Variants in MPDZ observed in about 807,000 individuals in gnomAD.
MPDZ encodes the protein multiple PDZ domain protein.
In MPDZ, 234 loss-of-function variants were observed where a neutral mutation model predicts 239.1. The observed-to-expected ratio is 0.98, with a 90% CI of 0.88 to 1.09. MPDZ has a LOEUF of 1.09. Among genes scored for constraint, MPDZ ranks in the 50% least tolerant of loss-of-function variants. The pLI is 0.00. For synonymous variants in MPDZ, 1,048 were observed against 881.3 expected (o/e 1.19, Z -3.35); for missense variants, 3,175 against 2,510.0 (o/e 1.26, Z -5.66).
intron 5 of MPDZ, among the ~76,000 whole-genome samples, chr9:13,223,141 C>T (rs1291523783): frequency 2.0e-5 from 3 of 151,890 alleles, no homozygotes; most frequent in Non-Finnish European, 2.9e-5. Context: ...GACTTGAGCA[C>T]CTGCAGATTT....
intron 3 of MPDZ, among the ~76,000 whole-genome samples, chr9:13,228,710 T>C (rs1340081848): frequency 1.3e-5 from 2 of 152,150 alleles, no homozygotes; most frequent in African/African-American, 4.8e-5. Flanking sequence ...TCTTTTATCA[T>C]AAATATATTT....
chr9:13,201,072 A>T (rs1956332891), intron 12 of MPDZ, among the ~76,000 whole-genome samples: 1 of 151,892 alleles, frequency 6.6e-6, no homozygotes, highest in Non-Finnish European at 1.5e-5. Flanking sequence ...TTTTTTTAAT[A>T]TATTTGGGTG....
At chr9:13,162,568 A>T (rs1950607653) in intron 23 of MPDZ, 123 bp downstream of exon 23, 2 of 439,984 alleles carry the variant, frequency 4.5e-6, no homozygotes, top group South Asian at 9.8e-5. Flanking sequence ...AATATTTTTT[A>T]AAATCTTGAA....
chr9:13,215,757 T>TTA (rs948060303), intron 10 of MPDZ, among the ~76,000 whole-genome samples: 2 of 133,412 alleles, frequency 1.5e-5, no homozygotes, highest in Non-Finnish European at 3.2e-5. Flanking sequence ...TTGCAGGTTT[T>TTA]TTTTTTTTTT....
intron 26 of MPDZ, 25 bp downstream of exon 26, chr9:13,147,523 T>G (rs762431698): frequency 7.1e-6 from 11 of 1,555,178 alleles, no homozygotes; most frequent in Non-Finnish European, 8.0e-6. Flanking sequence ...TGGATATGCC[T>G]ACCTTGCCCT....
At chr9:13,187,646 C>G (rs1394618000) in intron 17 of MPDZ, among the ~76,000 whole-genome samples, 2 of 152,150 alleles carry the variant, frequency 1.3e-5, no homozygotes, top group Admixed American at 1.3e-4. Context: ...GTGCACAAAA[C>G]TTTGGCACTT....
intron 19 of MPDZ, among the ~76,000 whole-genome samples, chr9:13,182,932 A>C (rs1180453808): frequency 6.6e-6 from 1 of 152,144 alleles, no homozygotes; most frequent in Non-Finnish European, 1.5e-5. Context: ...GTGATTTTTT[A>C]TGTAAAGTAT....
intron 1 of MPDZ, among the ~76,000 whole-genome samples, chr9:13,255,579 G>A (rs925601273): frequency 1.3e-5 from 2 of 152,190 alleles, no homozygotes; most frequent in South Asian, 4.1e-4. Context: ...TGTTGTGTTA[G>A]CGACATGAAA....
At chr9:13,208,449 A>G (rs1298473058) in intron 10 of MPDZ, among the ~76,000 whole-genome samples, 2 of 151,506 alleles carry the variant, frequency 1.3e-5, no homozygotes, top group African/African-American at 4.9e-5. Context: ...CCTGTCTTAC[A>G]TAAATAAATA....
chr9:13,166,826 T>C (rs1295980941), intron 22 of MPDZ, among the ~76,000 whole-genome samples: 1 of 152,058 alleles, frequency 6.6e-6, no homozygotes, highest in Non-Finnish European at 1.5e-5. Context: ...AAAAAAGACT[T>C]TGAGCCTGAA....
intron 1 of MPDZ, among the ~76,000 whole-genome samples, chr9:13,253,666 A>C (rs11792015): frequency 0.021 from 3,174 of 152,354 alleles, 54 homozygotes; most frequent in Non-Finnish European, 0.033. Context: ...AGAAGATCCA[A>C]CATGTCAGAA....
In MPDZ at chr9:13,232,151, G is replaced by A. The variant is rs557220827; in HGVS notation, c.184-7568C>T. Among the ~76,000 whole-genome samples, 3 of 152,236 alleles carry A rather than the reference G, an allele frequency of 2.0e-5. No individual in the cohort carries two copies. The East Asian group carries it at 5.8e-4, about 29-fold the overall frequency. ...GAAGAAACAAAAACTGTAATTATTT[G>A]CAGACCACATAATTGTGTGTACTGA... is the stretch of plus-strand genomic sequence containing the variant. On this transcript the variant is annotated intron_variant, in intron 3 of 46. Transcript: ENST00000319217.
In MPDZ at chr9:13,178,040, G is replaced by A. The variant is rs113424915; in HGVS notation, c.2650-1623C>T. On this transcript the variant is annotated intron_variant, in intron 19 of 46. Coordinates refer to ENST00000319217, the MANE Select transcript of MPDZ (RefSeq NM_001378778.1). ...GTGATGGTCTTCATCTCCTGACCTC[G>A]TGATTCGCCTGCCTCGGCCTCTCAA... Among the ~76,000 whole-genome samples, 667 of 152,090 alleles carry A rather than the reference G, an allele frequency of 4.4e-3. 3 individuals are homozygous for A. Among genetic ancestry groups the A allele is most frequent in the African/African-American group, 0.015 (641 of 41,492 alleles).
At chr9:13,257,393 A>T (rs1969690273) in intron 1 of MPDZ, among the ~76,000 whole-genome samples, 1 of 152,156 alleles carries the variant, frequency 6.6e-6, no homozygotes, top group Admixed American at 6.6e-5. Flanking sequence ...TAAATGGGAG[A>T]ACTTGGAATT....
intron 21 of MPDZ, among the ~76,000 whole-genome samples, chr9:13,169,495 T>C (rs1209460285): frequency 1.3e-5 from 2 of 152,126 alleles, no homozygotes; most frequent in Non-Finnish European, 2.9e-5. Context: ...AAATTTATCT[T>C]GAATCCATTT....
chr9:13,123,148 C>G lies in MPDZ; in HGVS notation c.4953+5G>C. On this transcript the variant is annotated splice_donor_5th_base_variant and intron_variant, in intron 36 of 46. Transcript: ENST00000319217. ...TGTACAGAAGCACCTCTGGGTGGTG[C>G]TCACCAGCAGCGTGTCTGAACCCCC... The G allele has an allele frequency of 6.2e-7, 1 of 1,610,382 alleles. No individual in the cohort carries two copies. Among genetic ancestry groups the G allele is most frequent in the East Asian group, 2.2e-5 (1 of 44,824 alleles).
At chr9:13,166,405 T>C (rs75051201) in intron 22 of MPDZ, among the ~76,000 whole-genome samples, 1 of 152,124 alleles carries the variant, frequency 6.6e-6, no homozygotes, top group African/African-American at 2.4e-5. Flanking sequence ...TATTTTTTTT[T>C]CTGAAAAAGC....
rs368649959 is a variant in MPDZ at position 13,219,712 on chromosome 9, T to C, written c.933A>G (p.Ala311=). ...HILKIGDTDL[A]GMSSEQVAQV... ...GTGCTACTTGCTCACTGCTCATTCC[T>C]GCTAGATCTGTGTCACCAATCTTTA... Residue 311 remains alanine, a synonymous_variant, in exon 8 of 47, where the codon GCA becomes GCG. Transcript: ENST00000319217. The C allele has an allele frequency of 3.1e-5, 50 of 1,612,792 alleles. No individual in the cohort carries two copies. The East Asian group carries it at 3.3e-4, about 11-fold the overall frequency.
intron 31 of MPDZ, 73 bp from the exon 32 acceptor site, chr9:13,133,977 C>T (rs914941762): frequency 9.3e-6 from 6 of 648,502 alleles, no homozygotes; most frequent in South Asian, 1.0e-4. Flanking sequence ...ATATAAAGGC[C>T]ACTTATTCAA....
Sources: allele counts gnomAD v4.1 joint callset (sites outside exome capture counted in the v4.1 genomes callset), GRCh38; gene constraint gnomAD v4.1.1; transcripts MANE v1.5; gene names NCBI Gene and HGNC (gene_info 2026-07-23, HGNC 2026-07-21).